CKAP5: variants seen among roughly 807,000 people sequenced by gnomAD.
CKAP5 encodes cytoskeleton-associated protein 5.
A neutral mutation model predicts 232.8 loss-of-function variants in CKAP5; 27 were observed. That is an observed-to-expected ratio of 0.12 (90% CI 0.09 to 0.16). The LOEUF is 0.16. Ranked by LOEUF, CKAP5 falls within the 10% of genes least tolerant of loss-of-function variation. CKAP5 has a pLI of 1.00. For synonymous variants in CKAP5, 785 were observed against 841.1 expected (o/e 0.93, Z 1.16); for missense variants, 1,838 against 2,424.7 (o/e 0.76, Z 5.08).
Position 46,743,968 on chromosome 11 carries a change from A to C in CKAP5, c.*55T>G. 3 of 1,609,098 alleles carry C rather than the reference A, an allele frequency of 1.9e-6. 1 individual carries two copies. In the South Asian group the frequency reaches 3.3e-5, roughly 18 times the overall value. ...CCTGCTGAGGCCATTTTAAACTATG[A>C]GGACTTCTAGTTTAGTAAACTAAAG... On this transcript the variant is annotated 3_prime_UTR_variant, in exon 44 of 44. Transcript: ENST00000529230.
At chr11:46,761,634 A>T (rs2134590383) in intron 32 of CKAP5, among the ~76,000 whole-genome samples, 1 of 152,362 alleles carries the variant, frequency 6.6e-6, no homozygotes, top group East Asian at 1.9e-4. Flanking sequence ...AGATACTAGC[A>T]TCCACACTAT....
At chr11:46,815,207 T>A (rs971653241) in intron 4 of CKAP5, among the ~76,000 whole-genome samples, 1 of 152,068 alleles carries the variant, frequency 6.6e-6, no homozygotes, top group Non-Finnish European at 1.5e-5. Context: ...TGCGCCACCA[T>A]GCCCAGCTAA....
chr11:46,798,741 G>C (rs1169866846), intron 9 of CKAP5, among the ~76,000 whole-genome samples: 2 of 152,038 alleles, frequency 1.3e-5, no homozygotes. Flanking sequence ...TTTCTTTTTG[G>C]GGTGATGAAG....
At chr11:46,746,133 CA>C (rs1191825985) in intron 42 of CKAP5, among the ~76,000 whole-genome samples, 1 of 152,122 alleles carries the variant, frequency 6.6e-6, no homozygotes, top group Non-Finnish European at 1.5e-5. Flanking sequence ...CATGCTTTGA[CA>C]GGCAAACACA....
chr11:46,831,215 T>C (rs1230340654), intron 1 of CKAP5, among the ~76,000 whole-genome samples: 1 of 152,144 alleles, frequency 6.6e-6, no homozygotes, highest in Non-Finnish European at 1.5e-5. Flanking sequence ...TTTATAATAA[T>C]GTTTTTGTAT....
chr11:46,838,562 C>G (rs918406435), intron 1 of CKAP5, among the ~76,000 whole-genome samples: 10 of 141,558 alleles, frequency 7.1e-5, no homozygotes, highest in African/African-American at 2.4e-4. Context: ...AGGCAGATCA[C>G]TTGAGTCCAA....
At chr11:46,749,192 A>C (rs959407226) in intron 42 of CKAP5, among the ~76,000 whole-genome samples, 6 of 151,870 alleles carry the variant, frequency 4.0e-5, no homozygotes, top group Non-Finnish European at 5.9e-5. Flanking sequence ...TGGTGACTCA[A>C]GCCTGTAATC....
At chr11:46,844,634 T>A (rs1940136443) in intron 1 of CKAP5, among the ~76,000 whole-genome samples, 1 of 152,172 alleles carries the variant, frequency 6.6e-6, no homozygotes. Context: ...TGAACAGCCT[T>A]TTAAAAAATT....
chr11:46,773,351 TG>T (rs1419254788), intron 24 of CKAP5, among the ~76,000 whole-genome samples: 1 of 151,384 alleles, frequency 6.6e-6, no homozygotes, highest in African/African-American at 2.4e-5. Context: ...CCGGTTCAAG[TG>T]ATTCTCCTGT....
At position 46,798,583 on chromosome 11, in the gene CKAP5, A is replaced by C. The variant is rs1206468884; in HGVS notation, c.1084-411T>G. ...CAACACAGCAAGACCCTGTCTTCCA[A>C]AAAAAAAAAAAAAGCAGTCACAAAG... On this transcript the variant is annotated intron_variant, in intron 9 of 43. Transcript: ENST00000529230. Among the ~76,000 whole-genome samples the C allele has an allele frequency of 2.7e-5, 4 of 145,806 alleles. No homozygotes were observed. The East Asian group carries it at 7.8e-4, about 29-fold the overall frequency.
intron 20 of CKAP5, 44 bp from the exon 21 acceptor site, chr11:46,778,643 A>C (rs2065312485): frequency 6.4e-7 from 1 of 1,550,632 alleles, no homozygotes; most frequent in Non-Finnish European, 8.9e-7. Flanking sequence ...TTTATATAGG[A>C]TATGGGAACA....
At chr11:46,810,082 G>A (rs985141057) in intron 5 of CKAP5, among the ~76,000 whole-genome samples, 7 of 151,508 alleles carry the variant, frequency 4.6e-5, no homozygotes, top group South Asian at 4.2e-4. Context: ...AGCAATTCCC[G>A]TGCCTCAGCC....
chr11:46,799,593 A>G (rs1222280051), intron 9 of CKAP5, among the ~76,000 whole-genome samples: 1 of 152,260 alleles, frequency 6.6e-6, no homozygotes, highest in African/African-American at 2.4e-5. Context: ...GAGACCCCAA[A>G]CTACAGAGCA....
At chr11:46,806,790 G>C (rs1463833425) in intron 8 of CKAP5, among the ~76,000 whole-genome samples, 1 of 152,132 alleles carries the variant, frequency 6.6e-6, no homozygotes, top group East Asian at 1.9e-4. Context: ...TACTTTCCTG[G>C]TCATTTACAG....
Position 46,784,669 on chromosome 11 carries a change from A to G in CKAP5, c.1973T>C (p.Met658Thr). 1.2e-6 allele frequency: 2 copies of G among 1,613,318 alleles called. No individual in the cohort carries two copies. The highest frequency in any genetic ancestry group is 1.7e-6 in the Non-Finnish European group (2 of 1,179,356). The change falls in exon 17 of 44, where the codon ATG (methionine) becomes ACG (threonine). Residue 658 changes from methionine (M) to threonine (T), a missense_variant. By Grantham distance (81) the Met-to-Thr change is moderately conservative. This residue lies in a region of CKAP5 where 767 missense variants were observed against 954.6 expected (regional missense o/e 0.80). Coordinates refer to ENST00000529230, the MANE Select transcript of CKAP5 (RefSeq NM_001008938.4). Reference protein sequence around the residue: ...PGWKETNFQVMQMKLHIVALI... With the variant: ...PGWKETNFQVTQMKLHIVALI... ...AGCAACTATATGAAGCTTCATTTGC[A>G]TCACCTGAACAAGGATCAGTATCAT...
rs749185148 is a variant in CKAP5, at chr11:46,818,366, T to C, written c.195A>G (p.Gln65=). The change falls in exon 3 of 44, where the codon CAA becomes CAG. Residue 65 remains glutamine, a synonymous_variant. Transcript: ENST00000529230. ...KFVTDSNAVV[Q]LKGLEAALVY... ...CAAGTGCAGCTTCTAATCCTTTCAA[T>C]TGAACCACTGCATTGGAATCAGTGA... 2.5e-6 allele frequency: 4 copies of C among 1,611,632 alleles called. No individual in the cohort carries two copies. The highest frequency in any genetic ancestry group is 1.3e-5 in the African/African-American group (1 of 74,726).
In CKAP5 at chr11:46,763,444, T is replaced by C. The variant is rs910532751; in HGVS notation, c.3687+37A>G. The C allele has an allele frequency of 1.9e-6, 3 of 1,549,034 alleles. No homozygotes were observed. The African/African-American group carries it at 4.2e-5, about 21-fold the overall frequency. On this transcript the variant is annotated intron_variant, in intron 29 of 43. Transcript: ENST00000529230. ...TCATAGGGCTCGGTATTTTTACATGTCTGAAATACATGTATATTTATCTAT... is the reference window on the plus strand; with the variant it reads ...TCATAGGGCTCGGTATTTTTACATGCCTGAAATACATGTATATTTATCTAT...
At chr11:46,827,660 G>A (rs1347218284) in intron 1 of CKAP5, among the ~76,000 whole-genome samples, 14 of 152,136 alleles carry the variant, frequency 9.2e-5, no homozygotes, top group Admixed American at 9.2e-4. Context: ...CCCATCTTGT[G>A]TGTAAAATGT....
intron 8 of CKAP5, 128 bp downstream of exon 8, chr11:46,807,899 ATGTC>A: frequency 1.7e-6 from 1 of 583,506 alleles, no homozygotes; most frequent in Non-Finnish European, 3.0e-6. Flanking sequence ...TTAAAAATGT[ATGTC>A]TGTAATTCAA....
Sources: allele counts gnomAD v4.1 joint callset (sites outside exome capture counted in the v4.1 genomes callset), GRCh38; gene constraint gnomAD v4.1.1; regional missense constraint gnomAD v4.1.1; transcripts MANE v1.5; gene names NCBI Gene and HGNC (gene_info 2026-07-23, HGNC 2026-07-21).